WWP2: variants seen among roughly 807,000 people sequenced by gnomAD.
WWP2 encodes NEDD4-like E3 ubiquitin-protein ligase WWP2.
Under a neutral mutation model 121.0 loss-of-function variants are expected in WWP2, and 57 were observed. The ratio of observed to expected loss-of-function variants is 0.47; its 90% CI spans 0.38 to 0.59. The LOEUF (loss-of-function observed/expected upper bound fraction) is 0.59. WWP2 is among the 20% of genes least tolerant of loss of function. WWP2 has a pLI of 0.00. For synonymous variants in WWP2, 449 were observed against 441.3 expected, an observed-to-expected ratio of 1.02 and a Z score of -0.22; for missense variants, 962 against 1,158.9, an observed-to-expected ratio of 0.83 and a Z score of 2.47.
At chr16:69,784,091 C>CTTTTTTTTTTTTT (rs61650147) in intron 1 of WWP2, among the ~76,000 whole-genome samples, 3 of 60,872 alleles carry the variant, frequency 4.9e-5, no homozygotes, top group East Asian at 4.7e-4. Context: ...TTCTTTCTTT[C>CTTTTTTTTTTTTT]TTTTTTTTTT....
At chr16:69,770,472 T>G (rs1404308682) in intron 1 of WWP2, among the ~76,000 whole-genome samples, 1 of 152,202 alleles carries the variant, frequency 6.6e-6, no homozygotes, top group Non-Finnish European at 1.5e-5. Flanking sequence ...GCTTGGAGGC[T>G]CTGTGCCCCT....
chr16:69,934,135 G>A lies in WWP2; in HGVS notation c.1842+6G>A, dbSNP rs775326898. Reference sequence around the variant, plus strand: ...TAGGCAGATTCATCGCCATGGTAAGGGGGCCCCAGGGGTCTGCCTAGTTCC... The same window carrying A: ...TAGGCAGATTCATCGCCATGGTAAGAGGGCCCCAGGGGTCTGCCTAGTTCC... On this transcript the variant is annotated splice_donor_region_variant and intron_variant, in intron 17 of 23. Coordinates refer to ENST00000359154, the MANE Select transcript of WWP2 (RefSeq NM_001270454.2). 20 of 1,613,954 alleles carry A rather than the reference G, an allele frequency of 1.2e-5. No homozygotes were observed. Among genetic ancestry groups the A allele is most frequent in the Non-Finnish European group, 1.7e-5 (20 of 1,179,978 alleles).
intron 4 of WWP2, among the ~76,000 whole-genome samples, chr16:69,802,687 G>A (rs1222437757): frequency 6.6e-6 from 1 of 150,700 alleles, no homozygotes; most frequent in Admixed American, 6.7e-5. Context: ...TGCAACCCCT[G>A]TCTCCTGGGT....
intron 4 of WWP2, among the ~76,000 whole-genome samples, chr16:69,833,844 T>C (rs1320417037): frequency 6.6e-6 from 1 of 152,212 alleles, no homozygotes; most frequent in African/African-American, 2.4e-5. Flanking sequence ...TGCCCAAAGC[T>C]TTGATTCCAA....
At chr16:69,763,470 C>G (rs556125907) in intron 1 of WWP2, among the ~76,000 whole-genome samples, 1 of 152,334 alleles carries the variant, frequency 6.6e-6, no homozygotes, top group African/African-American at 2.4e-5. Context: ...AATGTTCAAA[C>G]TGGACATTCA....
intron 17 of WWP2, among the ~76,000 whole-genome samples, chr16:69,934,791 C>T (rs1381637473): frequency 6.6e-6 from 1 of 152,050 alleles, no homozygotes; most frequent in Non-Finnish European, 1.5e-5. Flanking sequence ...ACTGAGAAAG[C>T]TCTGGTTTCT....
chr16:69,809,776 A>AAG (rs1298238057), intron 4 of WWP2, among the ~76,000 whole-genome samples: 9 of 151,134 alleles, frequency 6.0e-5, no homozygotes, highest in South Asian at 2.1e-4. Flanking sequence ...CAGAAAGAGA[A>AAG]AGAGAGAGAG....
intron 6 of WWP2, among the ~76,000 whole-genome samples, chr16:69,866,270 TTTTATTTA>T (rs56801798): frequency 0.16 from 23,226 of 147,668 alleles, 3,775 homozygotes; most frequent in African/African-American, 0.4. Flanking sequence ...AGGTTTCACA[TTTTATTTA>T]TTTATTTATT....
At chr16:69,928,604 T>G (rs1252642357) in intron 11 of WWP2, among the ~76,000 whole-genome samples, 5 of 152,160 alleles carry the variant, frequency 3.3e-5, no homozygotes, top group African/African-American at 4.8e-5. Flanking sequence ...AGCACATACT[T>G]AGGCCTAAGA....
At chr16:69,902,275 G>A (rs1400052440) in intron 8 of WWP2, among the ~76,000 whole-genome samples, 3 of 152,176 alleles carry the variant, frequency 2.0e-5, no homozygotes, top group Admixed American at 6.5e-5. Context: ...CCTTTAACCT[G>A]TGAAGATGGC....
At chr16:69,826,954 A>AAAT (rs1491249497) in intron 4 of WWP2, among the ~76,000 whole-genome samples, 1 of 110,428 alleles carries the variant, frequency 9.1e-6, no homozygotes, top group South Asian at 3.4e-4. Context: ...AAAAAAAAAA[A>AAAT]GGGGGGGGGG....
chr16:69,874,623 G>T lies in WWP2; in HGVS notation c.703+2692G>T, dbSNP rs1482000377. ...ATTATATTTCTAAGTTTTAGAAGTG[G>T]TGGAATCAAGAAATAGACGAATGGC... On this transcript the variant is annotated intron_variant, in intron 7 of 23. Transcript: ENST00000359154. Among the ~76,000 whole-genome samples, 3 of 152,282 alleles carry T rather than the reference G, an allele frequency of 2.0e-5. No individual in the cohort carries two copies. The East Asian group carries it at 5.8e-4, about 29-fold the overall frequency.
At chr16:69,929,195 T>C (rs1566451) in intron 11 of WWP2, among the ~76,000 whole-genome samples, 150,514 of 152,140 alleles carry the variant, frequency 0.99, 74,459 homozygotes, top group East Asian at 1. Context: ...CTCCGACCAA[T>C]CAACCAAAGA....
chr16:69,885,247 A>T (rs60476482), intron 7 of WWP2, among the ~76,000 whole-genome samples: 105 of 152,170 alleles, frequency 6.9e-4, no homozygotes, highest in African/African-American at 1.2e-3. Context: ...TGTTTTTTTT[A>T]AAATTGAGTA....
At chr16:69,812,577 C>T (rs567184902) in intron 4 of WWP2, among the ~76,000 whole-genome samples, 13 of 150,520 alleles carry the variant, frequency 8.6e-5, no homozygotes, top group African/African-American at 2.4e-4. Context: ...CTCCTGGGCT[C>T]GAGGAATCCT....
intron 10 of WWP2, among the ~76,000 whole-genome samples, chr16:69,918,961 A>G (rs1356843921): frequency 2.0e-5 from 3 of 146,854 alleles, no homozygotes; most frequent in Non-Finnish European, 3.0e-5. Flanking sequence ...CTCCTGCCCC[A>G]GCCTCCCAAG....
At chr16:69,929,425 C>G in intron 11 of WWP2, 23 bp from the exon 12 acceptor site, 2 of 1,608,336 alleles carry the variant, frequency 1.2e-6, no homozygotes, top group Non-Finnish European at 1.7e-6. Context: ...ATCTGATGTT[C>G]TTTCTTTCTT....
chr16:69,929,762 G>A (rs2058686818), intron 12 of WWP2, among the ~76,000 whole-genome samples: 1 of 152,190 alleles, frequency 6.6e-6, no homozygotes, highest in South Asian at 2.1e-4. Context: ...CCGGCTGGCG[G>A]GTGTTGCTGG....
At chr16:69,905,111 C>A (rs2058268492) in intron 8 of WWP2, among the ~76,000 whole-genome samples, 1 of 152,256 alleles carries the variant, frequency 6.6e-6, no homozygotes, top group South Asian at 2.1e-4. Context: ...TACCTTGCTT[C>A]CGTGTTCAGC....
Sources: gnomAD v4.1 joint callset for allele counts (sites outside exome capture counted in the v4.1 genomes callset) on GRCh38, gnomAD v4.1.1 for gene constraint, MANE v1.5 for transcripts, NCBI Gene and HGNC (gene_info 2026-07-23, HGNC 2026-07-21) for gene names.